Variants in BRMS1 observed in about 807,000 individuals in gnomAD.
BRMS1 encodes the protein breast cancer metastasis-suppressor 1.
In BRMS1, 26 loss-of-function variants were observed where a neutral mutation model predicts 40.4. The observed-to-expected ratio is 0.64, with a 90% CI of 0.47 to 0.89. BRMS1 has a LOEUF of 0.89. Ranked by LOEUF, BRMS1 falls within the 40% of genes least tolerant of loss-of-function variation. The pLI, the probability that BRMS1 is intolerant of heterozygous loss-of-function variation, is 0.00. For synonymous variants in BRMS1, 103 were observed against 116.0 expected (o/e 0.89, Z 0.72); for missense variants, 289 against 309.4 (o/e 0.93, Z 0.49).
chr11:66,338,122 T>C (rs1274594855), intron 9 of BRMS1, 121 bp downstream of exon 9: 3 of 1,403,716 alleles, frequency 2.1e-6, no homozygotes, highest in Admixed American at 4.1e-5. Context: ...CATCCTAACT[T>C]TCTTGAGCCA....
chr11:66,340,944 C>T, intron 5 of BRMS1, 23 bp downstream of exon 5: 2 of 1,613,814 alleles, frequency 1.2e-6, no homozygotes, highest in East Asian at 2.2e-5. Flanking sequence ...TGCCTCACCC[C>T]CAGTGTGCCC....
Position 66,341,033 on chromosome 11 carries a change from G to C in BRMS1, c.372C>G (p.Gly124=). ...TATTCCTGATCACATCCAGACAGAAGCCCTTGTAGATCCCTGCAGAGAAAG... is the reference window on the plus strand; with the variant it reads ...TATTCCTGATCACATCCAGACAGAACCCCTTGTAGATCCCTGCAGAGAAAG... ...IRIQVAGIYK[G]FCLDVIRNKY... Residue 124 remains glycine (G), a synonymous_variant, in exon 5 of 10, where the codon GGC becomes GGG. Coordinates refer to ENST00000359957, the MANE Select transcript of BRMS1 (RefSeq NM_015399.4). This position sits in a 1 kb window ranked among gnomAD's most constrained non-coding sequence, Gnocchi z 4.9. 1.2e-6 allele frequency: 2 copies of C among 1,614,018 alleles called. No individual in the cohort carries two copies. Among genetic ancestry groups the C allele is most frequent in the Non-Finnish European group, 1.7e-6 (2 of 1,180,016 alleles).
At chr11:66,338,606 G>A (rs776483403) in intron 8 of BRMS1, 115 bp downstream of exon 8, 2 of 1,583,354 alleles carry the variant, frequency 1.3e-6, no homozygotes, top group Middle Eastern at 1.7e-4. Context: ...ACTCTGGGCT[G>A]AAGATGGGGA....
rs1854994648 is a variant in BRMS1 at position 66,338,657 on chromosome 11, G to C, written c.693+64C>G. On this transcript the variant is annotated intron_variant, in intron 8 of 9. Coordinates refer to ENST00000359957, the MANE Select transcript of BRMS1 (RefSeq NM_015399.4). ...AGAACTCCCAGGCCTGCAGATGGCA[G>C]AGCTGCTGCCAGGGTGGGGGGCCCT... is the stretch of plus-strand genomic sequence containing the variant. 6 of 1,612,412 alleles carry C rather than the reference G, an allele frequency of 3.7e-6. No individual in the cohort carries two copies. In the African/African-American group the frequency reaches 4.0e-5, roughly 11 times the overall value.
rs1855176901 is a variant in BRMS1 at position 66,345,068 on chromosome 11, T to G, written c.-104A>C. Reference sequence around the variant, plus strand: ...GCTGCCGCCGGACTCCCGTAGGCGCTGCGCGGCTCCCTTTTCTTCGGGAGG... The same window carrying G: ...GCTGCCGCCGGACTCCCGTAGGCGCGGCGCGGCTCCCTTTTCTTCGGGAGG... On this transcript the variant is annotated 5_prime_UTR_variant, in exon 1 of 10. Transcript: ENST00000359957. 6.6e-6 allele frequency: 1 copy of G among 152,354 alleles called. No individual in the cohort carries two copies. Among genetic ancestry groups the G allele is most frequent in the South Asian group, 2.1e-4 (1 of 4,832 alleles). 9.4% of individuals were successfully genotyped at this position (152,354 alleles called of 1,614,324 possible).
chr11:66,337,745 G>A lies in BRMS1; in HGVS notation c.*137C>T, dbSNP rs1854956650. ...CAGGCCAGTGCCAGATGGAGTGGGA[G>A]GGCCCAGCAGCACCACAGGAGCCTG... On this transcript the variant is annotated 3_prime_UTR_variant, in exon 10 of 10. Transcript: ENST00000359957. 3.7e-6 allele frequency: 6 copies of A among 1,612,788 alleles called. No individual in the cohort carries two copies. The East Asian group carries it at 8.9e-5, about 24-fold the overall frequency.
At position 66,337,864 on chromosome 11, in the gene BRMS1, T is replaced by C. The variant is rs1374268089; in HGVS notation, c.*18A>G. ...GTGCCAGCTGCTCTGAGGGTCCCCCTGGCTGTGAACAGCAGGGTCAAGGTC... is the reference window on the plus strand; with the variant it reads ...GTGCCAGCTGCTCTGAGGGTCCCCCCGGCTGTGAACAGCAGGGTCAAGGTC... On this transcript the variant is annotated 3_prime_UTR_variant, in exon 10 of 10. Transcript: ENST00000359957. 1.9e-6 allele frequency: 3 copies of C among 1,614,110 alleles called. No homozygotes were observed. The highest frequency in any genetic ancestry group is 2.5e-6 in the Non-Finnish European group (3 of 1,179,988).
At chr11:66,338,833 G>T (rs374959256) in intron 7 of BRMS1, 48 bp from the exon 8 acceptor site, 621 of 1,499,612 alleles carry the variant, frequency 4.1e-4, no homozygotes, top group Non-Finnish European at 5.3e-4. Flanking sequence ...GGTGACGAGG[G>T]CAGGGCCACC....
At chr11:66,342,411 C>T (rs536744132) in intron 1 of BRMS1, among the ~76,000 whole-genome samples, 170 bp from the exon 2 acceptor site, 2 of 152,300 alleles carry the variant, frequency 1.3e-5, no homozygotes, top group South Asian at 4.1e-4. Flanking sequence ...TGGCCATCTG[C>T]ACCTCTCACA....
At chr11:66,342,054 C>CTGTGTG (rs764305179) in intron 2 of BRMS1, 42 bp downstream of exon 2, 35 of 567,822 alleles carry the variant, frequency 6.2e-5, no homozygotes, top group South Asian at 3.4e-4. Flanking sequence ...TGTGTAGGGG[C>CTGTGTG]TCTGTGTGTG....
chr11:66,344,644 G>A (rs1426846821), intron 1 of BRMS1: 3 of 152,288 alleles, frequency 2.0e-5, no homozygotes, highest in Non-Finnish European at 4.4e-5. Flanking sequence ...GGAGCTCACA[G>A]GTGGTAAGGG....
chr11:66,338,690 G>A (rs1297046643), intron 8 of BRMS1, 31 bp downstream of exon 8: 1 of 1,613,288 alleles, frequency 6.2e-7, no homozygotes, highest in South Asian at 1.1e-5. Context: ...CCTGAGGTGG[G>A]GCAGGTCACG....
At position 66,338,652 on chromosome 11, in the gene BRMS1, T is replaced by C. The variant is rs573353897; in HGVS notation, c.693+69A>G. On this transcript the variant is annotated intron_variant, in intron 8 of 9. Coordinates refer to ENST00000359957, the MANE Select transcript of BRMS1 (RefSeq NM_015399.4). Reference sequence around the variant, plus strand: ...AGCAGAGAACTCCCAGGCCTGCAGATGGCAGAGCTGCTGCCAGGGTGGGGG... The same window carrying C: ...AGCAGAGAACTCCCAGGCCTGCAGACGGCAGAGCTGCTGCCAGGGTGGGGG... 4.9e-5 allele frequency: 79 copies of C among 1,612,128 alleles called. No individual in the cohort carries two copies. The African/African-American group carries it at 7.5e-4, about 15-fold the overall frequency.
chr11:66,341,737 T>C lies in BRMS1; in HGVS notation c.140-114A>G. 1.1e-6 allele frequency: 1 copy of C among 904,142 alleles called. No homozygotes were observed. The highest frequency in any genetic ancestry group is 1.8e-6 in the Non-Finnish European group (1 of 546,814). 56.0% of individuals were successfully genotyped at this position (904,142 alleles called of 1,614,324 possible). A position where few individuals can be genotyped will look rare whatever the true frequency, so the allele number is the denominator to read the frequency against. On this transcript the variant is annotated intron_variant, in intron 2 of 9. Coordinates refer to ENST00000359957, the MANE Select transcript of BRMS1 (RefSeq NM_015399.4). This position sits in a 1 kb window ranked among gnomAD's most constrained non-coding sequence, Gnocchi z 4.9. Reference sequence around the variant, plus strand: ...CATGCATGCCTGTGTGTAGGGCCTGTGTGTGTGTGCGCGTACATGCTTGTG... The same window carrying C: ...CATGCATGCCTGTGTGTAGGGCCTGCGTGTGTGTGCGCGTACATGCTTGTG...
chr11:66,341,467 T>G lies in BRMS1; in HGVS notation c.230+66A>C. The stretch of plus-strand genomic sequence containing the variant: ...CTGGGCACCAACCACGCCTGCCCAG[T>G]ACCAGGCCCACCACCTCCTCATCCC... On this transcript the variant is annotated intron_variant, in intron 3 of 9. Coordinates refer to ENST00000359957, the MANE Select transcript of BRMS1 (RefSeq NM_015399.4). This position sits in a 1 kb window ranked among gnomAD's most constrained non-coding sequence, Gnocchi z 4.9. 6.2e-7 allele frequency: 1 copy of G among 1,600,256 alleles called. No individual in the cohort carries two copies. Among genetic ancestry groups the G allele is most frequent in the Non-Finnish European group, 8.6e-7 (1 of 1,168,110 alleles).
rs1257574493 is a variant in BRMS1 at position 66,337,582 on chromosome 11, G to A, written c.*300C>T. ...GGCTTTGACTTCGGCTGTCTTCTCT[G>A]TCAGGGGAGCCCCAAGAGATGGATC... On this transcript the variant is annotated 3_prime_UTR_variant, in exon 10 of 10. Coordinates refer to ENST00000359957, the MANE Select transcript of BRMS1 (RefSeq NM_015399.4). The A allele has an allele frequency of 8.9e-7, 1 of 1,128,522 alleles. No individual in the cohort carries two copies. Among genetic ancestry groups the A allele is most frequent in the Non-Finnish European group, 1.2e-6 (1 of 808,478 alleles). The allele number at this position is 1,128,522 out of a possible 1,614,324, so 69.9% of individuals were successfully genotyped here. A position where few individuals can be genotyped will look rare whatever the true frequency, so the allele number is the denominator to read the frequency against.
intron 1 of BRMS1, 96 bp from the exon 2 acceptor site, chr11:66,342,337 G>A: frequency 6.6e-7 from 1 of 1,508,210 alleles, no homozygotes; most frequent in Admixed American, 1.8e-5. Flanking sequence ...CCCAGATGGG[G>A]AAAGCCAGGG....
chr11:66,337,510 T>C lies in BRMS1; in HGVS notation c.*372A>G, dbSNP rs1436091648. ...TCCCGCACAGTGGAAACTGGCTCCC[T>C]GGCCCTGAGGCCGGACAGCCTGCAT... On this transcript the variant is annotated 3_prime_UTR_variant, in exon 10 of 10. Coordinates refer to ENST00000359957, the MANE Select transcript of BRMS1 (RefSeq NM_015399.4). 18 of 645,294 alleles carry C rather than the reference T, an allele frequency of 2.8e-5. No homozygotes were observed. Among genetic ancestry groups the C allele is most frequent in the Non-Finnish European group, 4.2e-5 (16 of 377,802 alleles). 40.0% of individuals were successfully genotyped at this position (645,294 alleles called of 1,614,324 possible).
chr11:66,341,608 T>C lies in BRMS1; in HGVS notation c.155A>G (p.Asp52Gly). 6.2e-7 allele frequency: 1 copy of C among 1,614,064 alleles called. No individual in the cohort carries two copies. The highest frequency in any genetic ancestry group is 8.5e-7 in the Non-Finnish European group (1 of 1,180,016). ...EEESSEMDDEDYERRRSECVS... is the reference protein window; with the variant it reads ...EEESSEMDDEGYERRRSECVS... Reference sequence around the variant, plus strand: ...ACACTCGCTGCGGCGTCGCTCATAGTCCTCATCATCCATCTCTGGGACAAG... The same window carrying C: ...ACACTCGCTGCGGCGTCGCTCATAGCCCTCATCATCCATCTCTGGGACAAG... The change falls in exon 3 of 10, where the codon GAC becomes GGC. Residue 52 changes from aspartate (D) to glycine (G), a missense_variant. By Grantham distance (94) the Asp-to-Gly change is moderately conservative. Transcript: ENST00000359957. The surrounding 1 kb of genome is among the most constrained non-coding windows in gnomAD (Gnocchi z 4.9).
Sources: gnomAD v4.1 joint callset for allele counts (sites outside exome capture counted in the v4.1 genomes callset) on GRCh38, gnomAD v4.1.1 for gene constraint, Gnocchi (gnomAD v3.1) non-coding constraint, MANE v1.5 for transcripts, NCBI Gene and HGNC (gene_info 2026-07-23, HGNC 2026-07-21) for gene names.